The following ANXA2R variants were observed in gnomAD, a reference collection of about 807,000 sequenced individuals.
The protein encoded by ANXA2R is annexin-2 receptor.
For synonymous variants in ANXA2R, 93 were observed against 93.6 expected, an observed-to-expected ratio of 0.99 and a Z score of 0.04; for missense variants, 244 against 241.5, an observed-to-expected ratio of 1.01 and a Z score of -0.07.
chr5:43,040,017 C>T lies in ANXA2R; in HGVS notation c.30G>A (p.Lys10=). Residue 10 remains lysine (K), a synonymous_variant, in exon 1 of 1, where the codon AAG becomes AAA. Coordinates refer to ENST00000616064, the MANE Select transcript of ANXA2R (RefSeq NM_001014279.3). MEQHFLGCV[K]RAWDSAEVAP... Reference sequence around the variant, plus strand: ...CCACCTCTGCGGAATCCCAAGCCCGCTTCACACAGCCAAGAAAATGTTGCT... The same window carrying T: ...CCACCTCTGCGGAATCCCAAGCCCGTTTCACACAGCCAAGAAAATGTTGCT... 1 of 1,610,628 alleles carries T rather than the reference C, an allele frequency of 6.2e-7. No homozygotes were observed.
At position 43,040,087 on chromosome 5, in the gene ANXA2R, G is replaced by C. The variant is rs779999263; in HGVS notation, c.-41C>G. On this transcript the variant is annotated 5_prime_UTR_variant, in exon 1 of 1. Transcript: ENST00000616064. ...CCAACGTTTGCGCTGATCAAGGAGG[G>C]AGAGTCTCTGCACTACCATCAGCCT... 9 of 1,545,268 alleles carry C rather than the reference G, an allele frequency of 5.8e-6. No individual in the cohort carries two copies. Among genetic ancestry groups the C allele is most frequent in the Non-Finnish European group, 6.1e-6 (7 of 1,143,576 alleles).
rs1421214656 is a variant in ANXA2R at position 43,039,699 on chromosome 5, G to C, written c.348C>G (p.Leu116=). 1 of 1,613,864 alleles carries C rather than the reference G, an allele frequency of 6.2e-7. No individual in the cohort carries two copies. The highest frequency in any genetic ancestry group is 8.5e-7 in the Non-Finnish European group (1 of 1,179,880). ...TGCTCCAGGGAAGCTGCTGGAGCCT[G>C]AGTCTGTCGGGTTCCTCTGCCTGCC... ...EVGQAEEPDR[L]RLQQLPWSSP... The change falls in exon 1 of 1, where the codon CTC becomes CTG. Residue 116 remains leucine (L), a synonymous_variant. Coordinates refer to ENST00000616064, the MANE Select transcript of ANXA2R (RefSeq NM_001014279.3).
At position 43,040,019 on chromosome 5, in the gene ANXA2R, TCA is replaced by T; in HGVS notation, c.26_27del (p.Val9GlufsTer44). ...ACCTCTGCGGAATCCCAAGCCCGCT[TCA>T]CACAGCCAAGAAAATGTTGCTCCAT... On this transcript the variant is annotated frameshift_variant, in exon 2 of 2. Coordinates refer to the ANXA2R transcript ENST00000314890. LOFTEE classifies it low-confidence loss of function (END_TRUNC). The T allele has an allele frequency of 6.2e-7, 1 of 1,610,832 alleles. No individual in the cohort carries two copies. Among genetic ancestry groups the T allele is most frequent in the Non-Finnish European group, 8.5e-7 (1 of 1,178,812 alleles).
In ANXA2R at chr5:43,039,808, G is replaced by C; in HGVS notation, c.239C>G (p.Thr80Ser). Residue 80 changes from threonine (T) to serine (S), a missense_variant, in exon 1 of 1, where the codon ACC becomes AGC. Physicochemically the swap from Thr to Ser is moderately conservative, Grantham distance 58. Coordinates refer to ENST00000616064, the MANE Select transcript of ANXA2R (RefSeq NM_001014279.3). Reference sequence around the variant, plus strand: ...GGGCTTCGCTGTACTTGGTTCCAAGGTGCTCTGGACTCCAGGAGAGAGTCC... The same window carrying C: ...GGGCTTCGCTGTACTTGGTTCCAAGCTGCTCTGGACTCCAGGAGAGAGTCC... ...QNGLSPGVQS[T>S]LEPSTAKPTE... 6.2e-7 allele frequency: 1 copy of C among 1,614,202 alleles called. No homozygotes were observed. The highest frequency in any genetic ancestry group is 8.5e-7 in the Non-Finnish European group (1 of 1,180,028).
At chr5:43,043,147 G>A (rs1463722001), upstream of ANXA2R, 1 of 152,296 alleles carries the variant, frequency 6.6e-6, no homozygotes, top group East Asian at 1.9e-4. Flanking sequence ...TTATGCTGCG[G>A]GCTGGGGATG....
chr5:43,042,180 A>G (rs146700705), upstream of ANXA2R: 1,810 of 152,554 alleles, frequency 0.012, 20 homozygotes, highest in South Asian at 0.037. This position sits in a 1 kb window ranked among gnomAD's most constrained non-coding sequence, Gnocchi z 5.6. Flanking sequence ...CACCGGCTCC[A>G]AGGAGCGTCG....
Position 43,039,789 on chromosome 5 carries a change from C to A in ANXA2R, c.258G>T (p.Ala86=). ...GVQSTLEPST[A]KPTEFSWPGT... is the part of the protein sequence containing the mutation. ...CCGGCCAACTGAACTCAGTGGGCTT[C>A]GCTGTACTTGGTTCCAAGGTGCTCT... Residue 86 remains alanine, a synonymous_variant, in exon 1 of 1, where the codon GCG becomes GCT. Coordinates refer to ENST00000616064, the MANE Select transcript of ANXA2R (RefSeq NM_001014279.3). 6.2e-7 allele frequency: 1 copy of A among 1,614,204 alleles called. No individual in the cohort carries two copies. Among genetic ancestry groups the A allele is most frequent in the Non-Finnish European group, 8.5e-7 (1 of 1,180,042 alleles).
upstream of ANXA2R, chr5:43,041,380 G>A (rs1277871871): frequency 2.6e-5 from 4 of 151,912 alleles, no homozygotes; most frequent in Admixed American, 2.6e-4. Context: ...AAATATCCAC[G>A]GTTAAACGTG....
rs745724919 is a variant in ANXA2R at position 43,039,431 on chromosome 5, AAGG to A, written c.*31_*33del. The A allele has an allele frequency of 8.9e-6, 13 of 1,466,788 alleles. No homozygotes were observed. Among genetic ancestry groups the A allele is most frequent in the Non-Finnish European group, 9.1e-6 (10 of 1,102,332 alleles). 90.9% of individuals were successfully genotyped at this position (1,466,788 alleles called of 1,614,324 possible). A position where few individuals can be genotyped will look rare whatever the true frequency, so the allele number is the denominator to read the frequency against. On this transcript the variant is annotated 3_prime_UTR_variant, in exon 1 of 1. Transcript: ENST00000616064. The stretch of plus-strand genomic sequence containing the variant: ...ACGTTTGGTAACTGAGAATCTTTTC[AAGG>A]AGGAGAATCCAAAAAGCCTTCTGCT...
At position 43,040,259 on chromosome 5, in the gene ANXA2R, A is replaced by ATCTCGC; in HGVS notation, c.-214_-213insGCGAGA. 2.1e-6 allele frequency: 1 copy of ATCTCGC among 477,548 alleles called. No individual in the cohort carries two copies. Among genetic ancestry groups the ATCTCGC allele is most frequent in the South Asian group, 4.6e-5 (1 of 21,774 alleles). 29.6% of individuals were successfully genotyped at this position (477,548 alleles called of 1,614,324 possible). On this transcript the variant is annotated 5_prime_UTR_variant, in exon 1 of 1. Transcript: ENST00000616064. ...AGAACCAAAACGAACCGTAATTCCG[A>ATCTCGC]CAGAAAAACATGGCGAGAAAAGAAA... is the stretch of plus-strand genomic sequence containing the variant.
upstream of ANXA2R, chr5:43,040,421 G>T (rs952641193): frequency 2.4e-4 from 47 of 197,440 alleles, no homozygotes; most frequent in Admixed American, 1.9e-3. Context: ...TGTCTGCTAG[G>T]GCTCTGCCCT....
At position 43,039,561 on chromosome 5, in the gene ANXA2R, G is replaced by GAAACCCGGGAGGTGGCGC. The variant is rs1224414407; in HGVS notation, c.468_485dup (p.Gly161_Phe162insLeuArgHisLeuProGly). On this transcript the variant is annotated inframe_insertion, in exon 1 of 1. Coordinates refer to ENST00000616064, the MANE Select transcript of ANXA2R (RefSeq NM_001014279.3). ...GAAGAATCCACTCCAGGCAGTCTGA[G>GAAACCCGGGAGGTGGCGC]AAACCCGGGAGGTGGCGCCACGGCT... is the stretch of plus-strand genomic sequence containing the variant. 6.2e-7 allele frequency: 1 copy of GAAACCCGGGAGGTGGCGC among 1,613,922 alleles called. No homozygotes were observed. Among genetic ancestry groups the GAAACCCGGGAGGTGGCGC allele is most frequent in the South Asian group, 1.1e-5 (1 of 91,070 alleles).
upstream of ANXA2R, chr5:43,041,596 C>G (rs371799157): frequency 3.3e-5 from 5 of 151,172 alleles, no homozygotes; most frequent in South Asian, 1.0e-3. Context: ...CGAAACCAAA[C>G]TTGGTATAAG....
chr5:43,042,784 G>A (rs1375066067), upstream of ANXA2R: 2 of 152,672 alleles, frequency 1.3e-5, no homozygotes, highest in East Asian at 1.9e-4. This position sits in a 1 kb window ranked among gnomAD's most constrained non-coding sequence, Gnocchi z 5.6. Flanking sequence ...GAGAAACACC[G>A]CGATTTCGAC....
At position 43,039,949 on chromosome 5, in the gene ANXA2R, CG is replaced by C; in HGVS notation, c.97del (p.Arg33ValfsTer12). The C allele has an allele frequency of 6.2e-7, 1 of 1,614,186 alleles. No individual in the cohort carries two copies. Among genetic ancestry groups the C allele is most frequent in the South Asian group, 1.1e-5 (1 of 91,086 alleles). On this transcript the variant is annotated frameshift_variant, in exon 2 of 2. Coordinates refer to the ANXA2R transcript ENST00000314890. LOFTEE classifies it low-confidence loss of function (END_TRUNC). ...ATACAAAGGAAGAGGCCACGGCCCA[CG>C]ATCTTCTGAACTCACAATAGGTGGA...
chr5:43,042,392 G>C (rs1368300714), upstream of ANXA2R: 1 of 152,720 alleles, frequency 6.5e-6, no homozygotes, highest in Non-Finnish European at 1.5e-5. This position sits in a 1 kb window ranked among gnomAD's most constrained non-coding sequence, Gnocchi z 5.6. Flanking sequence ...AGCCGGCGGG[G>C]TTGTCAAGGA....
At chr5:43,042,451 G>C (rs1446437227), upstream of ANXA2R, 2 of 152,928 alleles carry the variant, frequency 1.3e-5, no homozygotes, top group Non-Finnish European at 2.9e-5. The surrounding 1 kb of genome is among the most constrained non-coding windows in gnomAD (Gnocchi z 5.6). Flanking sequence ...AGAAACCGTC[G>C]ACTCTGAGAA....
Position 43,040,038 on chromosome 5 carries a change from T to C in ANXA2R, c.9A>G (p.Gln3=), listed in dbSNP as rs1307970691. 6.2e-7 allele frequency: 1 copy of C among 1,605,540 alleles called. No individual in the cohort carries two copies. Among genetic ancestry groups the C allele is most frequent in the South Asian group, 1.1e-5 (1 of 89,896 alleles). The stretch of plus-strand genomic sequence containing the variant: ...CCCGCTTCACACAGCCAAGAAAATG[T>C]TGCTCCATCCCTCAAGCCTCAGACC... The part of the protein sequence containing the change: ME[Q]HFLGCVKRAW... Residue 3 remains glutamine (Q), a synonymous_variant, in exon 1 of 1, where the codon CAA becomes CAG. Transcript: ENST00000616064.
upstream of ANXA2R, chr5:43,042,132 G>A (rs1434254843): frequency 6.6e-6 from 1 of 152,302 alleles, no homozygotes; most frequent in African/African-American, 2.4e-5. The surrounding 1 kb of genome is among the most constrained non-coding windows in gnomAD (Gnocchi z 5.6). Flanking sequence ...CCCGTGCGGC[G>A]GCGCTGGGAA....
Sources: gnomAD v4.1 joint callset for allele counts on GRCh38, gnomAD v4.1.1 for gene constraint, Gnocchi (gnomAD v3.1) non-coding constraint, MANE v1.5 for transcripts, NCBI Gene and HGNC (gene_info 2026-07-23, HGNC 2026-07-21) for gene names.